The following RNF144B variants were observed in gnomAD, a reference collection of about 807,000 sequenced individuals.
The protein encoded by RNF144B is ring finger protein 144B, also known as E3 ubiquitin-protein ligase RNF144B.
Under a neutral mutation model 40.2 loss-of-function variants are expected in RNF144B, and 25 were observed. That is an observed-to-expected ratio of 0.62 (90% CI 0.45 to 0.87). The LOEUF (loss-of-function observed/expected upper bound fraction) is 0.87. Among genes scored for constraint, RNF144B ranks in the 40% least tolerant of loss-of-function variants. RNF144B has a pLI of 0.00. For synonymous variants in RNF144B, 145 were observed against 136.3 expected, an observed-to-expected ratio of 1.06 and a Z score of -0.44; for missense variants, 365 against 373.7, an observed-to-expected ratio of 0.98 and a Z score of 0.19.
chr6:18,408,411 A>G (rs780501898), intron 2 of RNF144B, among the ~76,000 whole-genome samples: 3 of 152,232 alleles, frequency 2.0e-5, no homozygotes, highest in Admixed American at 1.3e-4. Flanking sequence ...TAAGGAAGAT[A>G]TATCATTCAT....
At position 18,466,071 on chromosome 6, in the gene RNF144B, A is replaced by G. The variant is rs553369655; in HGVS notation, c.*1004A>G. 3.3e-5 allele frequency: 5 copies of G among 152,352 alleles called. No homozygotes were observed. In the South Asian group the frequency reaches 1.0e-3, roughly 32 times the overall value. 9.4% of individuals were successfully genotyped at this position (152,352 alleles called of 1,614,324 possible). On this transcript the variant is annotated 3_prime_UTR_variant, in exon 8 of 8. Transcript: ENST00000259939. Reference sequence around the variant, plus strand: ...CCATTGAGCATGCATGGATATACCCAATAGTACACACAAAATAAATGTTTA... The same window carrying G: ...CCATTGAGCATGCATGGATATACCCGATAGTACACACAAAATAAATGTTTA...
intron 2 of RNF144B, among the ~76,000 whole-genome samples, chr6:18,427,186 C>A (rs114805875): frequency 6.6e-6 from 1 of 152,068 alleles, no homozygotes; most frequent in South Asian, 2.1e-4. Flanking sequence ...AGGGTCACAG[C>A]GTTCTGTTCT....
Position 18,459,088 on chromosome 6 carries a change from T to TCACCTATCCCTCTCTCC in RNF144B, c.537-516_537-515insCTATCCCTCTCTCCCAC, listed in dbSNP as rs143058295. ...CTAAAGTGTTACATGGTGCTATCGC[T>TCACCTATCCCTCTCTCC]CACTCCAATTCCTGTTGCTTATTTT... On this transcript the variant is annotated intron_variant, in intron 5 of 7. Transcript: ENST00000259939. This position sits in a 1 kb window ranked among gnomAD's most constrained non-coding sequence, Gnocchi z 4.2. 0.017 allele frequency among the ~76,000 whole-genome samples: 2,644 copies of TCACCTATCCCTCTCTCC among 152,326 alleles called. 37 individuals carry two copies. The highest frequency in any genetic ancestry group is 0.027 in the Middle Eastern group (8 of 294).
Position 18,425,111 on chromosome 6 carries a change from C to G in RNF144B, c.166-2470C>G, listed in dbSNP as rs1758519659. ...AGGTAACTATAACAGGTATTATTGTCCCTACTTTTTAAATTAAGGAAAGCA... is the reference window on the plus strand; with the variant it reads ...AGGTAACTATAACAGGTATTATTGTGCCTACTTTTTAAATTAAGGAAAGCA... On this transcript the variant is annotated intron_variant, in intron 2 of 7. Transcript: ENST00000259939. The surrounding 1 kb of genome is among the most constrained non-coding windows in gnomAD (Gnocchi z 4.2). 6.6e-6 allele frequency among the ~76,000 whole-genome samples: 1 copy of G among 151,976 alleles called. No homozygotes were observed. Among genetic ancestry groups the G allele is most frequent in the Non-Finnish European group, 1.5e-5 (1 of 67,992 alleles).
chr6:18,424,256 A>C (rs945988250), intron 2 of RNF144B, among the ~76,000 whole-genome samples: 13 of 152,206 alleles, frequency 8.5e-5, no homozygotes, highest in African/African-American at 3.1e-4. Context: ...GTGAAAGTTA[A>C]TGGGCAGCAT....
rs575153639 is a variant in RNF144B, at chr6:18,395,758, C to G, written c.-36-3741C>G. On this transcript the variant is annotated intron_variant, in intron 1 of 7. Transcript: ENST00000259939. This position sits in a 1 kb window ranked among gnomAD's most constrained non-coding sequence, Gnocchi z 4.5. ...GTGGGGAAGGTCAAGGGGACTGGCT[C>G]TGGACACCCACTATTGGGTGCTGGC... 2.6e-5 allele frequency among the ~76,000 whole-genome samples: 4 copies of G among 152,208 alleles called. No individual in the cohort carries two copies. Among genetic ancestry groups the G allele is most frequent in the East Asian group, 3.9e-4 (2 of 5,164 alleles).
Position 18,409,856 on chromosome 6 carries a change from C to T in RNF144B, c.165+10157C>T, listed in dbSNP as rs113461520. On this transcript the variant is annotated intron_variant, in intron 2 of 7. Coordinates refer to ENST00000259939, the MANE Select transcript of RNF144B (RefSeq NM_182757.4). ...AACTGTTAGGATTACAGGCGTGAGC[C>T]ACTGCGCCCCGGCCTACATAACATT... Among the ~76,000 whole-genome samples the T allele has an allele frequency of 7.1e-4, 108 of 152,256 alleles. 1 individual carries two copies. The South Asian group carries it at 0.016, about 22-fold the overall frequency.
chr6:18,442,336 A>G lies in RNF144B; in HGVS notation c.331+2592A>G, dbSNP rs1339845827. Among the ~76,000 whole-genome samples, 1 of 152,234 alleles carries G rather than the reference A, an allele frequency of 6.6e-6. No individual in the cohort carries two copies. The highest frequency in any genetic ancestry group is 6.5e-5 in the Admixed American group (1 of 15,292). ...TGTTACAAATTGATGAAATAGTTTT[A>G]TTCATACATGGAATTTATTTTTTTC... On this transcript the variant is annotated intron_variant, in intron 4 of 7. Transcript: ENST00000259939. The surrounding 1 kb of genome is among the most constrained non-coding windows in gnomAD (Gnocchi z 4.3).
Position 18,457,328 on chromosome 6 carries a change from A to G in RNF144B, c.505A>G (p.Ser169Gly), listed in dbSNP as rs756211876. The G allele has an allele frequency of 3.1e-6, 5 of 1,614,178 alleles. No homozygotes were observed. The Admixed American group carries it at 6.7e-5, about 22-fold the overall frequency. Residue 169 changes from serine to glycine, a missense_variant, in exon 5 of 8, where the codon AGT becomes GGT. Transcript: ENST00000259939. This position sits in a 1 kb window ranked among gnomAD's most constrained non-coding sequence, Gnocchi z 5.1. ...AWHAEVSCRD[S>G]QPIVLPTEHR... is the part of the protein sequence containing the mutation. Reference sequence around the variant, plus strand: ...GCATGCAGAGGTCTCCTGTAGAGACAGTCAGCCTATTGTCCTGCCAACAGA... The same window carrying G: ...GCATGCAGAGGTCTCCTGTAGAGACGGTCAGCCTATTGTCCTGCCAACAGA...
chr6:18,421,453 G>A (rs1393284416), intron 2 of RNF144B, among the ~76,000 whole-genome samples: 2 of 152,090 alleles, frequency 1.3e-5, no homozygotes, highest in East Asian at 1.9e-4. Flanking sequence ...TGGTAATTCA[G>A]TGATCTTGTC....
chr6:18,431,207 C>T (rs997782488), intron 3 of RNF144B, among the ~76,000 whole-genome samples: 15 of 150,518 alleles, frequency 1.0e-4, no homozygotes, highest in African/African-American at 3.7e-4. Flanking sequence ...GCCTGGGTGA[C>T]ACAGCGAGAC....
At position 18,468,802 on chromosome 6, in the gene RNF144B, A is replaced by G. The variant is rs1369985838; in HGVS notation, c.*3735A>G. 1 of 152,142 alleles carries G rather than the reference A, an allele frequency of 6.6e-6. No homozygotes were observed. 9.4% of individuals were successfully genotyped at this position (152,142 alleles called of 1,614,324 possible). A position where few individuals can be genotyped will look rare whatever the true frequency, so the allele number is the denominator to read the frequency against. On this transcript the variant is annotated 3_prime_UTR_variant, in exon 8 of 8. Transcript: ENST00000259939. ...ATTTAAAAAATTGCTATCGTGTTAT[A>G]TTTTTCCAATTTTTGGAGAAGAAAA...
rs1759624598 is a variant in RNF144B, at chr6:18,468,749, T to C, written c.*3682T>C. The C allele has an allele frequency of 6.6e-6, 1 of 152,242 alleles. No homozygotes were observed. Among genetic ancestry groups the C allele is most frequent in the South Asian group, 2.1e-4 (1 of 4,836 alleles). 9.4% of individuals were successfully genotyped at this position (152,242 alleles called of 1,614,324 possible). A position where few individuals can be genotyped will look rare whatever the true frequency, so the allele number is the denominator to read the frequency against. On this transcript the variant is annotated 3_prime_UTR_variant, in exon 8 of 8. Transcript: ENST00000259939. ...TATCTACAGGCTATTATGTCTCATGTTGATTCATGATCCAGGAAGTTTTAT... is the reference window on the plus strand; with the variant it reads ...TATCTACAGGCTATTATGTCTCATGCTGATTCATGATCCAGGAAGTTTTAT...
chr6:18,430,753 G>A (rs1300537917), intron 3 of RNF144B, among the ~76,000 whole-genome samples: 1 of 151,820 alleles, frequency 6.6e-6, no homozygotes, highest in Non-Finnish European at 1.5e-5. Context: ...TGGGATTACA[G>A]GTGTGAACCA....
At chr6:18,463,040 T>A (rs9371060) in intron 6 of RNF144B, among the ~76,000 whole-genome samples, 25,858 of 150,860 alleles carry the variant, frequency 0.17, 2,415 homozygotes, top group African/African-American at 0.25. Flanking sequence ...AGATAAGTAG[T>A]CAGGTCATTA....
At chr6:18,407,362 A>G (rs957717079) in intron 2 of RNF144B, among the ~76,000 whole-genome samples, 10 of 152,178 alleles carry the variant, frequency 6.6e-5, no homozygotes, top group African/African-American at 2.4e-4. Flanking sequence ...TGGGCAGTCT[A>G]TTGGGTCATT....
At chr6:18,430,090 T>C (rs564410884) in intron 3 of RNF144B, among the ~76,000 whole-genome samples, 2 of 152,292 alleles carry the variant, frequency 1.3e-5, no homozygotes, top group Admixed American at 6.5e-5. Flanking sequence ...CCATGACATT[T>C]ATCGGATTCC....
At chr6:18,421,307 CACACACACATAT>C (rs1319849818) in intron 2 of RNF144B, among the ~76,000 whole-genome samples, 2 of 127,954 alleles carry the variant, frequency 1.6e-5, no homozygotes, top group Non-Finnish European at 3.4e-5. Flanking sequence ...CACACACACA[CACACACACATAT>C]ATATAAAATA....
At position 18,419,560 on chromosome 6, in the gene RNF144B, G is replaced by A. The variant is rs2113487687; in HGVS notation, c.166-8021G>A. 6.6e-6 allele frequency among the ~76,000 whole-genome samples: 1 copy of A among 152,232 alleles called. No homozygotes were observed. The highest frequency in any genetic ancestry group is 2.1e-4 in the South Asian group (1 of 4,810). On this transcript the variant is annotated intron_variant, in intron 2 of 7. Coordinates refer to ENST00000259939, the MANE Select transcript of RNF144B (RefSeq NM_182757.4). The surrounding 1 kb of genome is among the most constrained non-coding windows in gnomAD (Gnocchi z 4.6). Reference sequence around the variant, plus strand: ...GGAAGAATGAAAACCAGAAGAGTATGGGATCCAGAAGACAAGGGGAAAAAG... The same window carrying A: ...GGAAGAATGAAAACCAGAAGAGTATAGGATCCAGAAGACAAGGGGAAAAAG...
Sources: allele counts gnomAD v4.1 joint callset (sites outside exome capture counted in the v4.1 genomes callset), GRCh38; gene constraint gnomAD v4.1.1; non-coding constraint Gnocchi (gnomAD v3.1); transcripts MANE v1.5; gene names NCBI Gene and HGNC (gene_info 2026-07-23, HGNC 2026-07-21).